Variants in OPRM1 observed in about 807,000 individuals in gnomAD.
OPRM1 encodes mu-type opioid receptor.
OPRM1 carries 27 observed loss-of-function variants against 31.8 expected under a neutral mutation model. The observed-to-expected ratio is 0.85, with a 90% CI of 0.63 to 1.17. OPRM1 has a LOEUF of 1.17. Among genes scored for constraint, OPRM1 ranks in the 50% most tolerant of loss-of-function variants. The pLI, the probability that OPRM1 is intolerant of heterozygous loss-of-function variation, is 0.00. For missense variants in OPRM1, 536 were observed against 511.1 expected, an observed-to-expected ratio of 1.05 and a Z score of -0.47; for synonymous variants, 196 against 189.9, an observed-to-expected ratio of 1.03 and a Z score of -0.26.
At chr6:154,228,059 C>T (rs1294074335) in intron 3 of OPRM1, among the ~76,000 whole-genome samples, 2 of 152,124 alleles carry the variant, frequency 1.3e-5, no homozygotes, top group Non-Finnish European at 2.9e-5. Context: ...TCTTCTCTTC[C>T]TCCTCCTTTT....
chr6:154,146,022 C>T (rs1399079713), intron 3 of OPRM1, among the ~76,000 whole-genome samples: 2 of 152,212 alleles, frequency 1.3e-5, no homozygotes, highest in African/African-American at 4.8e-5. Flanking sequence ...AATAGCCCAA[C>T]AAGAAGGCAA....
chr6:154,042,086 A>C (rs1361260785), intron 1 of OPRM1, among the ~76,000 whole-genome samples: 2 of 152,188 alleles, frequency 1.3e-5, no homozygotes, highest in Non-Finnish European at 2.9e-5. Flanking sequence ...CTCGGTACTG[A>C]AAGTTCTTAC....
chr6:154,145,346 C>T (rs1214256677), intron 3 of OPRM1, among the ~76,000 whole-genome samples: 1 of 152,198 alleles, frequency 6.6e-6, no homozygotes, highest in Non-Finnish European at 1.5e-5. Context: ...CAAAAATCAA[C>T]TGTATTTCTA....
intron 1 of OPRM1, among the ~76,000 whole-genome samples, chr6:154,032,951 C>T (rs1779094565): frequency 6.6e-6 from 1 of 152,162 alleles, no homozygotes; most frequent in East Asian, 1.9e-4. Flanking sequence ...GAATCTGAAG[C>T]TTTAGAGAAA....
At chr6:154,236,833 T>G (rs1479543641) in intron 3 of OPRM1, among the ~76,000 whole-genome samples, 1 of 152,102 alleles carries the variant, frequency 6.6e-6, no homozygotes, top group Admixed American at 6.5e-5. Context: ...TAAAATTGGG[T>G]GCGTTCTCTT....
chr6:154,202,787 CT>C (rs2128594595), intron 3 of OPRM1, among the ~76,000 whole-genome samples: 1 of 152,218 alleles, frequency 6.6e-6, no homozygotes, highest in South Asian at 2.1e-4. Context: ...CAAATGCTCT[CT>C]CAATCCATTT....
chr6:154,170,025 G>A (rs1194296886), intron 3 of OPRM1, among the ~76,000 whole-genome samples: 1 of 152,156 alleles, frequency 6.6e-6, no homozygotes, highest in Non-Finnish European at 1.5e-5. Flanking sequence ...TCAGCCTGTG[G>A]GAGCTAATAT....
chr6:154,095,809 A>C (rs1793274799), intron 3 of OPRM1, among the ~76,000 whole-genome samples: 1 of 152,134 alleles, frequency 6.6e-6, no homozygotes, highest in African/African-American at 2.4e-5. Context: ...TATTAGGTAG[A>C]CTAAGGCATA....
At chr6:154,208,190 C>T (rs1238300567) in intron 3 of OPRM1, among the ~76,000 whole-genome samples, 1 of 143,370 alleles carries the variant, frequency 7.0e-6, no homozygotes, top group Non-Finnish European at 1.5e-5. Context: ...GATATGGCTA[C>T]CACTATGCTT....
chr6:154,071,121 A>T lies in OPRM1; in HGVS notation c.291-18705A>T, dbSNP rs143681058. On this transcript the variant is annotated intron_variant, in intron 1 of 3. Coordinates refer to ENST00000330432, the MANE Select transcript of OPRM1 (RefSeq NM_000914.5). ...TAGACCTAAAGACCATGGTTAACTG[A>T]TATTTGAAGGTATGGAATGCATAAT... 1.5e-3 allele frequency among the ~76,000 whole-genome samples: 228 copies of T among 152,318 alleles called. 3 individuals are homozygous for T. Among genetic ancestry groups the T allele is most frequent in the African/African-American group, 5.3e-3 (220 of 41,574 alleles).
chr6:154,209,735 T>C (rs906863260), intron 3 of OPRM1, among the ~76,000 whole-genome samples: 2 of 152,104 alleles, frequency 1.3e-5, no homozygotes, highest in Non-Finnish European at 2.9e-5. Flanking sequence ...GTGCCTTCCA[T>C]GTCTGTTTTT....
chr6:154,088,638 A>T (rs1791236470), intron 1 of OPRM1, among the ~76,000 whole-genome samples: 1 of 152,232 alleles, frequency 6.6e-6, no homozygotes. Context: ...TCACAGGTGT[A>T]CACACGTATC....
At chr6:154,137,681 G>A (rs1295310787) in intron 3 of OPRM1, among the ~76,000 whole-genome samples, 1 of 152,186 alleles carries the variant, frequency 6.6e-6, no homozygotes, top group Non-Finnish European at 1.5e-5. Flanking sequence ...GAATGGTACA[G>A]ATTCAGTCCT....
Position 154,130,845 on chromosome 6 carries a change from A to G in OPRM1, c.*12124A>G, listed in dbSNP as rs1797857098. On this transcript the variant is annotated 3_prime_UTR_variant, in exon 4 of 4. Transcript: ENST00000330432. ...AAAGAAAAAATGCCTGTTTTCACTA[A>G]GTCATCCTTCCCCTGGCAATACATT... Among the ~76,000 whole-genome samples, 1 of 152,100 alleles carries G rather than the reference A, an allele frequency of 6.6e-6. No homozygotes were observed. The highest frequency in any genetic ancestry group is 2.1e-4 in the South Asian group (1 of 4,832).
At position 154,229,348 on chromosome 6, in the gene OPRM1, T is replaced by G. The variant is rs995970379; in HGVS notation, c.1165-17345T>G. On this transcript the variant is annotated intron_variant, in intron 3 of 3. Coordinates refer to the OPRM1 transcript ENST00000337049. ...AGGCAGTGTGGAAAAGTTTGCCGGT[T>G]TTTTTTTTTTTTTTTTTTTGAGACG... Among the ~76,000 whole-genome samples the G allele has an allele frequency of 8.0e-5, 3 of 37,532 alleles. No homozygotes were observed. The East Asian group carries it at 2.5e-3, about 31-fold the overall frequency. The allele number at this position is 37,532 out of a possible 152,430, so 24.6% of individuals were successfully genotyped here.
chr6:154,036,736 T>C (rs1280917303), upstream of OPRM1, among the ~76,000 whole-genome samples: 2 of 152,002 alleles, frequency 1.3e-5, 1 homozygote, highest in Non-Finnish European at 2.9e-5. Context: ...TTGTTTTATT[T>C]TTATTTTATA....
At chr6:154,225,796 A>T (rs1200265370) in intron 3 of OPRM1, among the ~76,000 whole-genome samples, 2 of 152,222 alleles carry the variant, frequency 1.3e-5, no homozygotes, top group African/African-American at 4.8e-5. Context: ...AGGCGTTTTT[A>T]TGTAAATTTC....
chr6:154,108,353 A>G lies in OPRM1; in HGVS notation c.1165-10330A>G, dbSNP rs563399364. 3.9e-5 allele frequency: 8 copies of G among 207,628 alleles called. No individual in the cohort carries two copies. The South Asian group carries it at 1.3e-3, about 33-fold the overall frequency. 12.9% of individuals were successfully genotyped at this position (207,628 alleles called of 1,614,324 possible). ...AAACAGTTGCCCTGAGTAACAGAAA[A>G]GATAGGAAAGGAAAAGGAGAGAGAG... On this transcript the variant is annotated intron_variant, in intron 3 of 3. Transcript: ENST00000330432.
rs538174 is a variant in OPRM1 at position 154,131,402 on chromosome 6, T to C, written c.*12681T>C. On this transcript the variant is annotated 3_prime_UTR_variant, in exon 4 of 4. Transcript: ENST00000330432. ...TTATTCTATAGCTTTAAGTCAAACC[T>C]AACATAAGCAATCAACCCTTCCACC... 0.17 allele frequency among the ~76,000 whole-genome samples: 26,368 copies of C among 152,216 alleles called. 2,759 individuals carry two copies. Among genetic ancestry groups the C allele is most frequent in the Non-Finnish European group, 0.24 (16,323 of 68,000 alleles).
Sources: gnomAD v4.1 joint callset for allele counts (sites outside exome capture counted in the v4.1 genomes callset) on GRCh38, gnomAD v4.1.1 for gene constraint, MANE v1.5 for transcripts, NCBI Gene and HGNC (gene_info 2026-07-23, HGNC 2026-07-21) for gene names.